The following RTRAF variants were observed in gnomAD, a reference collection of about 807,000 sequenced individuals.
RTRAF encodes the protein RNA transcription, translation and transport factor, also known as tRNA-splicing ligase complex subunit RTRAF.
RTRAF carries 14 observed loss-of-function variants against 34.4 expected under a neutral mutation model. That is an observed-to-expected ratio of 0.41 (90% CI 0.27 to 0.64). The LOEUF is 0.64. Among genes scored for constraint, RTRAF ranks in the 30% least tolerant of loss-of-function variants. The probability of loss-of-function intolerance (pLI) is 0.34; values close to 1 mark genes in which losing one functional copy is unlikely to be tolerated. For missense variants in RTRAF, 291 were observed against 288.4 expected, an observed-to-expected ratio of 1.01 and a Z score of -0.06; for synonymous variants, 96 against 95.3, an observed-to-expected ratio of 1.01 and a Z score of -0.04.
intron 5 of RTRAF, among the ~76,000 whole-genome samples, chr14:52,000,987 C>G (rs1890592702): frequency 6.6e-6 from 1 of 152,194 alleles, no homozygotes; most frequent in Non-Finnish European, 1.5e-5. Context: ...TTTTAAGAGG[C>G]ATTCAAACAA....
chr14:51,998,934 CTT>C (rs1258465169), intron 4 of RTRAF, among the ~76,000 whole-genome samples: 1 of 151,876 alleles, frequency 6.6e-6, no homozygotes, highest in Non-Finnish European at 1.5e-5. Context: ...TCCTGGATAT[CTT>C]TTAGTAATTT....
In RTRAF at chr14:52,008,038, C is replaced by T; in HGVS notation, c.*3522C>T. On this transcript the variant is annotated 3_prime_UTR_variant, in exon 8 of 8. Transcript: ENST00000261700. ...GTGGTAGGCAGCATCTAAGCAGCCC[C>T]CAGTGATCTCCATCTCCTCATGTAT... The T allele has an allele frequency of 8.2e-7, 1 of 1,214,784 alleles. No individual in the cohort carries two copies. The highest frequency in any genetic ancestry group is 1.2e-6 in the Non-Finnish European group (1 of 859,550). 75.3% of individuals were successfully genotyped at this position (1,214,784 alleles called of 1,614,324 possible).
Position 52,004,410 on chromosome 14 carries a change from A to G in RTRAF, c.629A>G (p.Glu210Gly), listed in dbSNP as rs752789903. Residue 210 changes from glutamate to glycine, a missense_variant, in exon 8 of 8, where the codon GAG becomes GGG. Transcript: ENST00000261700. The part of the protein sequence containing the change: ...AAQILRLLHI[E>G]ELRELQTKIN... ...CAAATTCTGCGATTGCTGCACATAG[A>G]GGAGCTCAGAGAGCTACAGACAAAA... 1.2e-6 allele frequency: 2 copies of G among 1,613,856 alleles called. No homozygotes were observed. Among genetic ancestry groups the G allele is most frequent in the African/African-American group, 1.3e-5 (1 of 74,934 alleles).
At position 52,006,346 on chromosome 14, in the gene RTRAF, A is replaced by C. The variant is rs1890781702; in HGVS notation, c.*1830A>C. The stretch of plus-strand genomic sequence containing the variant: ...CCATTCGATTTCTGGGTGAAGTAAA[A>C]GGATGATTTCAAAAACATGAAAGGA... On this transcript the variant is annotated 3_prime_UTR_variant, in exon 8 of 8. Transcript: ENST00000261700. The C allele has an allele frequency of 1.2e-5, 7 of 591,666 alleles. No individual in the cohort carries two copies. Among genetic ancestry groups the C allele is most frequent in the Non-Finnish European group, 1.2e-5 (4 of 338,842 alleles). The allele number at this position is 591,666 out of a possible 1,614,324, so 36.7% of individuals were successfully genotyped here.
At chr14:51,990,154 CAG>C (rs1161512961) in intron 1 of RTRAF, among the ~76,000 whole-genome samples, 2 of 152,144 alleles carry the variant, frequency 1.3e-5, no homozygotes, top group African/African-American at 2.4e-5. Context: ...TGGAAGCAAT[CAG>C]AACCCACTGA....
Position 52,008,028 on chromosome 14 carries a change from T to TA in RTRAF, c.*3514dup, listed in dbSNP as rs1431975020. 1 of 1,392,640 alleles carries TA rather than the reference T, an allele frequency of 7.2e-7. No individual in the cohort carries two copies. The highest frequency in any genetic ancestry group is 1.4e-5 in the African/African-American group (1 of 69,162). The allele number at this position is 1,392,640 out of a possible 1,614,324, so 86.3% of individuals were successfully genotyped here. ...CATGTAGCCTGTGGTAGGCAGCATCTAAGCAGCCCCCAGTGATCTCCATCT... is the reference window on the plus strand; with the variant it reads ...CATGTAGCCTGTGGTAGGCAGCATCTAAAGCAGCCCCCAGTGATCTCCATCT... On this transcript the variant is annotated 3_prime_UTR_variant, in exon 8 of 8. Coordinates refer to ENST00000261700, the MANE Select transcript of RTRAF (RefSeq NM_016039.3).
chr14:51,994,390 A>C (rs1042777924), intron 3 of RTRAF, among the ~76,000 whole-genome samples: 1 of 152,204 alleles, frequency 6.6e-6, no homozygotes, highest in Non-Finnish European at 1.5e-5. Context: ...TCTTATCTGC[A>C]TCCCCTGCAT....
At position 52,008,066 on chromosome 14, in the gene RTRAF, T is replaced by C. The variant is rs1890861464; in HGVS notation, c.*3550T>C. On this transcript the variant is annotated 3_prime_UTR_variant, in exon 8 of 8. Transcript: ENST00000261700. Reference sequence around the variant, plus strand: ...GTGATCTCCATCTCCTCATGTATTATAGCCTTAAGCAATCCCCTTGAGTTT... The same window carrying C: ...GTGATCTCCATCTCCTCATGTATTACAGCCTTAAGCAATCCCCTTGAGTTT... The C allele has an allele frequency of 9.5e-6, 9 of 950,654 alleles. No homozygotes were observed. Among genetic ancestry groups the C allele is most frequent in the Non-Finnish European group, 1.4e-5 (9 of 634,864 alleles). 58.9% of individuals were successfully genotyped at this position (950,654 alleles called of 1,614,324 possible). A position where few individuals can be genotyped will look rare whatever the true frequency, so the allele number is the denominator to read the frequency against.
Position 52,001,171 on chromosome 14 carries a change from C to T in RTRAF, c.463-627C>T, listed in dbSNP as rs141697781. On this transcript the variant is annotated intron_variant, in intron 5 of 7. Coordinates refer to ENST00000261700, the MANE Select transcript of RTRAF (RefSeq NM_016039.3). ...ATTTAAAAATTATAGTTTAAGTTTT[C>T]ACACTTATTTTTGAGTTGTAATTGT... 8.8e-3 allele frequency among the ~76,000 whole-genome samples: 1,335 copies of T among 152,208 alleles called. 16 individuals carry two copies. Among genetic ancestry groups the T allele is most frequent in the African/African-American group, 0.031 (1,282 of 41,516 alleles).
At position 52,005,954 on chromosome 14, in the gene RTRAF, C is replaced by T; in HGVS notation, c.*1438C>T. 1 of 779,638 alleles carries T rather than the reference C, an allele frequency of 1.3e-6. No homozygotes were observed. The allele number at this position is 779,638 out of a possible 1,614,324, so 48.3% of individuals were successfully genotyped here. A position where few individuals can be genotyped will look rare whatever the true frequency, so the allele number is the denominator to read the frequency against. ...GCAATAGAGGAAAATTTCTGGCAGC[C>T]TTCTCTGTCCCAGGGCTGGTGCTAA... On this transcript the variant is annotated 3_prime_UTR_variant, in exon 8 of 8. Transcript: ENST00000261700.
chr14:52,007,920 G>C lies in RTRAF; in HGVS notation c.*3404G>C. The C allele has an allele frequency of 1.9e-6, 3 of 1,613,386 alleles. No individual in the cohort carries two copies. Among genetic ancestry groups the C allele is most frequent in the Non-Finnish European group, 1.7e-6 (2 of 1,179,660 alleles). Reference sequence around the variant, plus strand: ...TCTGTTTTCTCCATCTAAAGATGACGTTTCAATTTTAGGAGCTTCTCTATT... The same window carrying C: ...TCTGTTTTCTCCATCTAAAGATGACCTTTCAATTTTAGGAGCTTCTCTATT... On this transcript the variant is annotated 3_prime_UTR_variant, in exon 8 of 8. Transcript: ENST00000261700.
At chr14:51,999,829 CTG>C (rs751892743) in intron 5 of RTRAF, 33 bp downstream of exon 5, 4 of 1,458,682 alleles carry the variant, frequency 2.7e-6, no homozygotes, top group Non-Finnish European at 2.8e-6. Context: ...TTGACAGAAA[CTG>C]TGCACATAGA....
chr14:52,006,248 T>C lies in RTRAF; in HGVS notation c.*1732T>C, dbSNP rs1890776795. ...GTAGTCTTATTCTCTAAAGAACATA[T>C]TTAGATTAATATGCTCCCTTTTGAG... On this transcript the variant is annotated 3_prime_UTR_variant, in exon 8 of 8. Coordinates refer to ENST00000261700, the MANE Select transcript of RTRAF (RefSeq NM_016039.3). 1 of 405,336 alleles carries C rather than the reference T, an allele frequency of 2.5e-6. No homozygotes were observed. The highest frequency in any genetic ancestry group is 2.9e-5 in the South Asian group (1 of 34,280). The allele number at this position is 405,336 out of a possible 1,614,324, so 25.1% of individuals were successfully genotyped here. A position where few individuals can be genotyped will look rare whatever the true frequency, so the allele number is the denominator to read the frequency against.
Position 52,008,169 on chromosome 14 carries a change from G to A in RTRAF, c.*3653G>A, listed in dbSNP as rs927884733. On this transcript the variant is annotated 3_prime_UTR_variant, in exon 8 of 8. Transcript: ENST00000261700. Reference sequence around the variant, plus strand: ...TGATAGGCTATCACTGCCGATATTCGGTCTCAAAAAACTGGTTTCTGCCTT... The same window carrying A: ...TGATAGGCTATCACTGCCGATATTCAGTCTCAAAAAACTGGTTTCTGCCTT... The A allele has an allele frequency of 2.2e-5, 10 of 458,960 alleles. No homozygotes were observed. Among genetic ancestry groups the A allele is most frequent in the South Asian group, 4.0e-5 (1 of 24,692 alleles). The allele number at this position is 458,960 out of a possible 1,614,324, so 28.4% of individuals were successfully genotyped here.
At chr14:52,000,317 C>T (rs1023872405) in intron 5 of RTRAF, among the ~76,000 whole-genome samples, 2 of 152,042 alleles carry the variant, frequency 1.3e-5, no homozygotes, top group Admixed American at 6.6e-5. Flanking sequence ...TTTCTGTCCC[C>T]GATGCTAGAT....
rs184664198 is a variant in RTRAF, at chr14:51,998,853, T to C, written c.373+273T>C. Among the ~76,000 whole-genome samples the C allele has an allele frequency of 5.3e-3, 801 of 152,098 alleles. 7 individuals carry two copies. Among genetic ancestry groups the C allele is most frequent in the African/African-American group, 0.019 (769 of 41,558 alleles). The stretch of plus-strand genomic sequence containing the variant: ...AATCATGGGGGTCATTGTTTGCCTT[T>C]TTGAATGTGTAAATTTCTTTTAATC... On this transcript the variant is annotated intron_variant, in intron 4 of 7. Transcript: ENST00000261700.
At position 51,999,698 on chromosome 14, in the gene RTRAF, T is replaced by A. The variant is rs1890572110; in HGVS notation, c.374-10T>A. On this transcript the variant is annotated splice_polypyrimidine_tract_variant and intron_variant, in intron 4 of 7. Transcript: ENST00000261700. ...GTTGTAAGTTTTTGTTTGTTTTTAA[T>A]CTTTTATAGTAAATAATCCTGATTT... 1 of 1,584,182 alleles carries A rather than the reference T, an allele frequency of 6.3e-7. No individual in the cohort carries two copies. The highest frequency in any genetic ancestry group is 8.6e-7 in the Non-Finnish European group (1 of 1,157,428).
Position 52,006,646 on chromosome 14 carries a change from C to T in RTRAF, c.*2130C>T. On this transcript the variant is annotated 3_prime_UTR_variant, in exon 8 of 8. Transcript: ENST00000261700. The stretch of plus-strand genomic sequence containing the variant: ...CCAGTTCCATCAGGTAGTGTACACT[C>T]CAGTTTTTTGGTTCCTTTTAAAACA... The T allele has an allele frequency of 6.2e-7, 1 of 1,613,336 alleles. No homozygotes were observed. Among genetic ancestry groups the T allele is most frequent in the Non-Finnish European group, 8.5e-7 (1 of 1,179,562 alleles).
At chr14:52,001,316 T>C (rs1326435724) in intron 5 of RTRAF, among the ~76,000 whole-genome samples, 2 of 152,142 alleles carry the variant, frequency 1.3e-5, no homozygotes, top group Admixed American at 6.5e-5. Flanking sequence ...CGGTGTCCTT[T>C]GAAAGGTTTG....
Sources: gnomAD v4.1 joint callset for allele counts (sites outside exome capture counted in the v4.1 genomes callset) on GRCh38, gnomAD v4.1.1 for gene constraint, MANE v1.5 for transcripts, NCBI Gene and HGNC (gene_info 2026-07-23, HGNC 2026-07-21) for gene names.